FGD6: variants seen among roughly 807,000 people sequenced by gnomAD.
The protein encoded by FGD6 is FYVE, RhoGEF and PH domain containing 6, also known as FYVE, RhoGEF and PH domain-containing protein 6.
In FGD6, 90 loss-of-function variants were observed where a neutral mutation model predicts 149.4. The observed-to-expected ratio is 0.60, with a 90% CI of 0.51 to 0.72. FGD6 has a LOEUF of 0.72. FGD6 is among the 30% of genes least tolerant of loss of function. The pLI is 0.00. For missense variants in FGD6, 1,437 were observed against 1,684.8 expected, an observed-to-expected ratio of 0.85 and a Z score of 2.57; for synonymous variants, 527 against 584.0, an observed-to-expected ratio of 0.90 and a Z score of 1.41.
intron 3 of FGD6, among the ~76,000 whole-genome samples, chr12:95,165,082 C>CA (rs1442760437): frequency 6.6e-6 from 1 of 151,930 alleles, no homozygotes; most frequent in East Asian, 1.9e-4. Context: ...AAGGAAAGAC[C>CA]AAAAACTATA....
At chr12:95,217,039 C>T (rs913665285) in intron 1 of FGD6, among the ~76,000 whole-genome samples, 186 bp downstream of exon 1, 3 of 152,208 alleles carry the variant, frequency 2.0e-5, no homozygotes, top group Non-Finnish European at 4.4e-5. Flanking sequence ...TTCCAAACAG[C>T]CCCTCTGGGC....
chr12:95,157,887 C>T (rs940032511), intron 3 of FGD6, among the ~76,000 whole-genome samples: 2 of 152,086 alleles, frequency 1.3e-5, no homozygotes, highest in East Asian at 1.9e-4. Context: ...CTCGTTCTGT[C>T]GCCAGGCTGG....
At position 95,141,507 on chromosome 12, in the gene FGD6, C is replaced by A. The variant is rs370695011; in HGVS notation, c.2718G>T (p.Arg906Ser). 1 of 1,613,940 alleles carries A rather than the reference C, an allele frequency of 6.2e-7. No homozygotes were observed. Among genetic ancestry groups the A allele is most frequent in the African/African-American group, 1.3e-5 (1 of 74,892 alleles). ...DFRDAVAHASRQLGKPVIEDR... is the reference protein window; with the variant it reads ...DFRDAVAHASSQLGKPVIEDR... ...CCTCAATCACTGGTTTCCCAAGTTG[C>A]CTGGAAGCATGAGCTACTGCATCCC... Residue 906 changes from arginine to serine, a missense_variant, in exon 6 of 21, where the codon AGG (arginine) becomes AGT (serine). Arg to Ser is a moderately radical substitution (Grantham distance 110). Coordinates refer to ENST00000343958, the MANE Select transcript of FGD6 (RefSeq NM_018351.4).
Position 95,210,815 on chromosome 12 carries a change from T to C in FGD6, c.469A>G (p.Ser157Gly). 6.2e-7 allele frequency: 1 copy of C among 1,613,726 alleles called. No individual in the cohort carries two copies. Among genetic ancestry groups the C allele is most frequent in the Non-Finnish European group, 8.5e-7 (1 of 1,179,958 alleles). ...IDETLTIKTR[S>G]KCDLYGEKAK... The stretch of plus-strand genomic sequence containing the variant: ...TTTTCACCATACAAATCACATTTAC[T>C]CCTAGTTTTTATAGTCAAAGTCTCA... The change falls in exon 2 of 21, where the codon AGT (serine) becomes GGT (glycine). Residue 157 changes from serine (S) to glycine (G), a missense_variant. Transcript: ENST00000343958.
rs1379381261 is a variant in FGD6 at position 95,089,834 on chromosome 12, A to G, written c.3851-138T>C. 3.7e-6 allele frequency: 4 copies of G among 1,094,842 alleles called. No individual in the cohort carries two copies. In the Admixed American group the frequency reaches 9.2e-5, roughly 25 times the overall value. 67.8% of individuals were successfully genotyped at this position (1,094,842 alleles called of 1,614,324 possible). ...CAACATTGATAACTCCTGGAAAAGG[A>G]CAATGGATGGCTGGGAGTTGAGTGG... On this transcript the variant is annotated intron_variant, in intron 17 of 20. Transcript: ENST00000343958.
intron 3 of FGD6, among the ~76,000 whole-genome samples, chr12:95,153,895 G>C (rs1000317326): frequency 3.3e-5 from 5 of 150,694 alleles, no homozygotes; most frequent in Non-Finnish European, 7.4e-5. Flanking sequence ...TTTATGCTAA[G>C]GAGCTGAAAT....
chr12:95,091,751 G>C lies in FGD6; in HGVS notation c.3806C>G (p.Pro1269Arg). The change falls in exon 17 of 21, where the codon CCA (proline) becomes CGA (arginine). Residue 1269 changes from proline (P) to arginine (R), a missense_variant. This residue lies in a region of FGD6 where 382 missense variants were observed against 538.7 expected (regional missense o/e 0.71). Coordinates refer to ENST00000343958, the MANE Select transcript of FGD6 (RefSeq NM_018351.4). ...GAAACAATGTTCACATACTCTTGCT[G>C]GTTGATTTTTCAGGTAATCTAAGCC... ...KYGLDYLKNQ[P>R]ARVCEHCFQE... 6.2e-7 allele frequency: 1 copy of C among 1,613,522 alleles called. No individual in the cohort carries two copies. Among genetic ancestry groups the C allele is most frequent in the African/African-American group, 1.3e-5 (1 of 75,014 alleles).
chr12:95,122,645 C>CAAAAAAA lies in FGD6; in HGVS notation c.3083-8951_3083-8945dup, dbSNP rs397687285. Among the ~76,000 whole-genome samples, 3 of 64,420 alleles carry CAAAAAAA rather than the reference C, an allele frequency of 4.7e-5. 1 individual carries two copies. Among genetic ancestry groups the CAAAAAAA allele is most frequent in the Non-Finnish European group, 8.1e-5 (3 of 37,080 alleles). 42.3% of individuals were successfully genotyped at this position (64,420 alleles called of 152,430 possible). ...TGGGCAACAGAGCGAGACTCAGTCT[C>CAAAAAAA]AAAAAAAAAAAAAAAAAAAAAAAAG... is the stretch of plus-strand genomic sequence containing the variant. On this transcript the variant is annotated intron_variant, in intron 8 of 20. Coordinates refer to ENST00000343958, the MANE Select transcript of FGD6 (RefSeq NM_018351.4).
chr12:95,171,666 C>G lies in FGD6; in HGVS notation c.2586+934G>C, dbSNP rs72484685. 5.4e-3 allele frequency among the ~76,000 whole-genome samples: 822 copies of G among 152,256 alleles called. 38 individuals are homozygous for G. In the East Asian group the frequency reaches 0.13, roughly 25 times the overall value. ...GAGTGGCTGGGACTACAGGTGCCCA[C>G]CACCATGGTCGGCTAATTTTTTGTA... On this transcript the variant is annotated intron_variant, in intron 3 of 20. Coordinates refer to ENST00000343958, the MANE Select transcript of FGD6 (RefSeq NM_018351.4).
At chr12:95,126,201 G>A (rs1409679767) in intron 8 of FGD6, 2 of 1,183,856 alleles carry the variant, frequency 1.7e-6, no homozygotes, top group African/African-American at 3.0e-5. Flanking sequence ...TGTTGCTAAG[G>A]GTGCTGCTGC....
chr12:95,092,604 A>G, intron 16 of FGD6, 95 bp downstream of exon 16: 1 of 1,245,532 alleles, frequency 8.0e-7, no homozygotes, highest in Non-Finnish European at 1.1e-6. Context: ...TTATTCTTGA[A>G]CTATAATGGT....
intron 8 of FGD6, chr12:95,126,265 C>A: frequency 1.5e-6 from 2 of 1,339,124 alleles, no homozygotes; most frequent in East Asian, 2.4e-5. Context: ...AAGAAGGCTC[C>A]AGCCCAGAAG....
At chr12:95,202,191 A>C (rs1191653784) in intron 2 of FGD6, among the ~76,000 whole-genome samples, 3 of 151,974 alleles carry the variant, frequency 2.0e-5, no homozygotes, top group Non-Finnish European at 4.4e-5. Context: ...GTTCAATACC[A>C]GCCTGGCCAA....
At chr12:95,215,057 T>G (rs570433269) in intron 1 of FGD6, among the ~76,000 whole-genome samples, 1 of 152,070 alleles carries the variant, frequency 6.6e-6, no homozygotes, top group African/African-American at 2.4e-5. Context: ...GACAGGGTTT[T>G]GCCATGTTGG....
chr12:95,094,631 C>G lies in FGD6; in HGVS notation c.3561G>C (p.Lys1187Asn). ...TACTAGGACAGAAGGTGATTCTTTTCTTGGCATACTCTTCTATTGCCCTGG... is the reference window on the plus strand; with the variant it reads ...TACTAGGACAGAAGGTGATTCTTTTGTTGGCATACTCTTCTATTGCCCTGG... The part of the protein sequence containing the change: ...AISRAIEEYA[K>N]KRITFCPSRS... The change falls in exon 15 of 21, where the codon AAG (lysine) becomes AAC (asparagine). Residue 1187 changes from lysine (K) to asparagine (N), a missense_variant. Physicochemically the swap from Lys to Asn is moderately conservative, Grantham distance 94. Coordinates refer to ENST00000343958, the MANE Select transcript of FGD6 (RefSeq NM_018351.4). 6.2e-7 allele frequency: 1 copy of G among 1,612,876 alleles called. No homozygotes were observed. The highest frequency in any genetic ancestry group is 8.5e-7 in the Non-Finnish European group (1 of 1,179,718).
chr12:95,170,311 T>G (rs1880953186), intron 3 of FGD6, among the ~76,000 whole-genome samples: 2 of 152,094 alleles, frequency 1.3e-5, no homozygotes, highest in South Asian at 4.1e-4. Flanking sequence ...TCTTCCTGAT[T>G]ATGATTAAGC....
At chr12:95,185,076 G>T (rs1390909466) in intron 2 of FGD6, among the ~76,000 whole-genome samples, 8 of 152,014 alleles carry the variant, frequency 5.3e-5, no homozygotes, top group Non-Finnish European at 1.0e-4. Context: ...GTTTCACCAT[G>T]TTGGCCAGGC....
intron 20 of FGD6, among the ~76,000 whole-genome samples, chr12:95,082,988 A>AG (rs1877731014): frequency 2.3e-5 from 1 of 42,658 alleles, no homozygotes; most frequent in African/African-American, 1.2e-4. Context: ...CTCCATTAAA[A>AG]AAAAAAAAAA....
intron 1 of FGD6, among the ~76,000 whole-genome samples, chr12:95,214,326 TAGC>T (rs1488025124): frequency 2.0e-5 from 3 of 152,222 alleles, no homozygotes; most frequent in Admixed American, 6.5e-5. Context: ...TTTGAAAAGT[TAGC>T]AGGAATCAAT....
Sources: gnomAD v4.1 joint callset for allele counts (sites outside exome capture counted in the v4.1 genomes callset) on GRCh38, gnomAD v4.1.1 for gene constraint, gnomAD v4.1.1 regional missense constraint, MANE v1.5 for transcripts, NCBI Gene and HGNC (gene_info 2026-07-23, HGNC 2026-07-21) for gene names.